The following GAB2 variants were observed in gnomAD, a reference collection of about 807,000 sequenced individuals.
GAB2 encodes the protein GRB2-associated-binding protein 2.
Under a neutral mutation model 65.5 loss-of-function variants are expected in GAB2, and 26 were observed. The ratio of observed to expected loss-of-function variants is 0.40; its 90% CI spans 0.29 to 0.55. The LOEUF (loss-of-function observed/expected upper bound fraction) is 0.55, where lower values mean the gene tolerates loss of function less well. Ranked by LOEUF, GAB2 falls within the 20% of genes least tolerant of loss-of-function variation. The probability of loss-of-function intolerance (pLI) is 0.53; values close to 1 mark genes in which losing one functional copy is unlikely to be tolerated. For missense variants in GAB2, 884 were observed against 875.8 expected (o/e 1.01, Z -0.12); for synonymous variants, 321 against 329.6 (o/e 0.97, Z 0.28).
In GAB2 at chr11:78,221,664, C is replaced by G. The variant is rs1356728926; in HGVS notation, c.1761+13G>C. ...TTGAAAGGCGTCATTCCAGCGAAGC[C>G]CGAAGGACTCACCATAGGGACATAG... is the stretch of plus-strand genomic sequence containing the variant. On this transcript the variant is annotated intron_variant, in intron 8 of 9. Coordinates refer to ENST00000361507, the MANE Select transcript of GAB2 (RefSeq NM_080491.3). 1 of 1,563,624 alleles carries G rather than the reference C, an allele frequency of 6.4e-7. No homozygotes were observed. Among genetic ancestry groups the G allele is most frequent in the Non-Finnish European group, 8.8e-7 (1 of 1,136,730 alleles).
chr11:78,383,388 A>T (rs771736010), intron 1 of GAB2, among the ~76,000 whole-genome samples: 32 of 151,978 alleles, frequency 2.1e-4, no homozygotes, highest in Non-Finnish European at 8.8e-5. Flanking sequence ...AAATTCATTA[A>T]TTCAAACACT....
intron 1 of GAB2, among the ~76,000 whole-genome samples, chr11:78,382,682 G>A (rs569134341): frequency 6.6e-6 from 1 of 152,238 alleles, no homozygotes; most frequent in South Asian, 2.1e-4. Context: ...TCAGTCAATT[G>A]TAATCATGAG....
chr11:78,383,002 G>A (rs1258744325), intron 1 of GAB2, among the ~76,000 whole-genome samples: 1 of 152,194 alleles, frequency 6.6e-6, no homozygotes, highest in Admixed American at 6.5e-5. Flanking sequence ...GCCGGGTGTG[G>A]TGGCTCACGC....
intron 3 of GAB2, among the ~76,000 whole-genome samples, chr11:78,241,019 C>A (rs60557492): frequency 0.034 from 5,139 of 152,294 alleles, 274 homozygotes; most frequent in African/African-American, 0.12. Context: ...TACTTGTAGG[C>A]CATGCCAGAC....
chr11:78,310,489 G>A (rs543681261), intron 1 of GAB2, among the ~76,000 whole-genome samples: 19 of 148,222 alleles, frequency 1.3e-4, no homozygotes, highest in African/African-American at 4.5e-4. Flanking sequence ...ACTCCAGCCT[G>A]GGCGACAGAG....
intron 3 of GAB2, among the ~76,000 whole-genome samples, chr11:78,247,929 G>A (rs1178997724): frequency 6.6e-6 from 1 of 152,086 alleles, no homozygotes; most frequent in Non-Finnish European, 1.5e-5. Context: ...CCACACAAGT[G>A]AAAACCATGA....
intron 1 of GAB2, among the ~76,000 whole-genome samples, chr11:78,282,483 AT>A (rs1866363027): frequency 6.6e-6 from 1 of 151,726 alleles, no homozygotes. Flanking sequence ...TAATTTTTGT[AT>A]TTTTAGTAGA....
chr11:78,366,648 G>C (rs1441296203), intron 1 of GAB2, among the ~76,000 whole-genome samples: 1 of 148,406 alleles, frequency 6.7e-6, no homozygotes, highest in Non-Finnish European at 1.5e-5. Flanking sequence ...AGTGAGGATG[G>C]GGGGTTAATT....
intron 1 of GAB2, among the ~76,000 whole-genome samples, chr11:78,387,502 C>T (rs1305560086): frequency 1.3e-5 from 2 of 152,230 alleles, no homozygotes; most frequent in African/African-American, 2.4e-5. Flanking sequence ...TAACAGTGGT[C>T]TCTCAGTGGG....
chr11:78,248,613 G>A (rs2510054), intron 3 of GAB2, among the ~76,000 whole-genome samples: 33,860 of 152,086 alleles, frequency 0.22, 4,173 homozygotes, highest in East Asian at 0.4. Context: ...ATGGGGCATA[G>A]GAAGAACAGG....
Position 78,292,122 on chromosome 11 carries a change from C to T in GAB2, c.76-11221G>A, listed in dbSNP as rs145848445. Among the ~76,000 whole-genome samples the T allele has an allele frequency of 4.5e-3, 689 of 152,184 alleles. 4 individuals carry two copies. Among genetic ancestry groups the T allele is most frequent in the African/African-American group, 0.016 (668 of 41,498 alleles). On this transcript the variant is annotated intron_variant, in intron 1 of 9. Coordinates refer to ENST00000361507, the MANE Select transcript of GAB2 (RefSeq NM_080491.3). ...ATACAACTGTTATGTTCTTCATATA[C>T]CCGCCTAACAGGTTTAAATTATAGG...
At chr11:78,402,433 A>T (rs549310116) in intron 1 of GAB2, among the ~76,000 whole-genome samples, 57 of 147,220 alleles carry the variant, frequency 3.9e-4, no homozygotes, top group African/African-American at 6.9e-4. Context: ...TTTAAAAAAA[A>T]TTTTTTTTTT....
rs141277357 is a variant in GAB2 at position 78,257,320 on chromosome 11, C to T, written c.377-6920G>A. Among the ~76,000 whole-genome samples, 17 of 152,184 alleles carry T rather than the reference C, an allele frequency of 1.1e-4. No homozygotes were observed. The East Asian group carries it at 3.3e-3, about 29-fold the overall frequency. On this transcript the variant is annotated intron_variant, in intron 2 of 9. Coordinates refer to ENST00000361507, the MANE Select transcript of GAB2 (RefSeq NM_080491.3). ...CCTTTTCATCTTTATCCCTTCTCCCCCAAAAATTTATCCCCACCCTCAAGC... is the reference window on the plus strand; with the variant it reads ...CCTTTTCATCTTTATCCCTTCTCCCTCAAAAATTTATCCCCACCCTCAAGC...
chr11:78,315,267 A>T (rs1209444274), intron 1 of GAB2, among the ~76,000 whole-genome samples: 1 of 152,076 alleles, frequency 6.6e-6, no homozygotes, highest in Non-Finnish European at 1.5e-5. Context: ...TTCTCGCATT[A>T]TTTCAAAATG....
chr11:78,361,906 A>T (rs898948009), intron 1 of GAB2, among the ~76,000 whole-genome samples: 5 of 152,188 alleles, frequency 3.3e-5, no homozygotes, highest in Non-Finnish European at 7.4e-5. Flanking sequence ...ACATATGTGC[A>T]TTTTGGGATC....
chr11:78,403,342 T>G (rs968248369), intron 1 of GAB2, among the ~76,000 whole-genome samples: 1 of 152,262 alleles, frequency 6.6e-6, no homozygotes, highest in Non-Finnish European at 1.5e-5. Flanking sequence ...GGCAATACTA[T>G]GTAAGTTTAA....
At chr11:78,290,203 G>A (rs981498099) in intron 1 of GAB2, among the ~76,000 whole-genome samples, 1 of 152,110 alleles carries the variant, frequency 6.6e-6, no homozygotes, top group South Asian at 2.1e-4. Context: ...TAGTAATAAC[G>A]GAGACAAAAG....
In GAB2 at chr11:78,341,836, C is replaced by G. The variant is rs56278954; in HGVS notation, c.76-60935G>C. On this transcript the variant is annotated intron_variant, in intron 1 of 9. Transcript: ENST00000361507. Reference sequence around the variant, plus strand: ...TAGCCTCGCCTTTGTCTCAGTTACTCCTCTCTTCAGGGATCTTCTTCATCC... The same window carrying G: ...TAGCCTCGCCTTTGTCTCAGTTACTGCTCTCTTCAGGGATCTTCTTCATCC... 19,476 of 985,142 alleles carry G rather than the reference C, an allele frequency of 0.02. 2,588 individuals carry two copies. The African/African-American group carries it at 0.3, about 15-fold the overall frequency. 61.0% of individuals were successfully genotyped at this position (985,142 alleles called of 1,614,324 possible). A position where few individuals can be genotyped will look rare whatever the true frequency, so the allele number is the denominator to read the frequency against.
chr11:78,366,715 A>G (rs535162627), intron 1 of GAB2, among the ~76,000 whole-genome samples: 2 of 148,682 alleles, frequency 1.3e-5, no homozygotes, highest in South Asian at 2.1e-4. Flanking sequence ...TATATTCACT[A>G]TATTTTCTCC....
Sources: allele counts gnomAD v4.1 joint callset (sites outside exome capture counted in the v4.1 genomes callset), GRCh38; gene constraint gnomAD v4.1.1; transcripts MANE v1.5; gene names NCBI Gene and HGNC (gene_info 2026-07-23, HGNC 2026-07-21).